NCKAP5: variants seen among roughly 807,000 people sequenced by gnomAD.
The protein encoded by NCKAP5 is NCK associated protein 5.
NCKAP5 carries 92 observed loss-of-function variants against 167.0 expected under a neutral mutation model. That is an observed-to-expected ratio of 0.55 (90% confidence interval 0.47 to 0.66). NCKAP5 has a LOEUF of 0.66. Ranked by LOEUF, NCKAP5 falls within the 30% of genes least tolerant of loss-of-function variation. The pLI is 0.00. For missense variants in NCKAP5, 2,378 were observed against 2,315.0 expected, an observed-to-expected ratio of 1.03 and a Z score of -0.56; for synonymous variants, 891 against 877.4, an observed-to-expected ratio of 1.02 and a Z score of -0.27.
At chr2:132,980,728 A>G (rs180801093) in intron 7 of NCKAP5, among the ~76,000 whole-genome samples, 1 of 152,298 alleles carries the variant, frequency 6.6e-6, no homozygotes, top group East Asian at 1.9e-4. Flanking sequence ...TTACTGTGTC[A>G]ATTTTCACTA....
intron 11 of NCKAP5, among the ~76,000 whole-genome samples, chr2:132,826,687 T>A (rs1558827271): frequency 6.6e-6 from 1 of 152,172 alleles, no homozygotes; most frequent in Non-Finnish European, 1.5e-5. Flanking sequence ...GATAGAATTA[T>A]AAGAGCAGCA....
chr2:133,325,799 G>A (rs752648371), intron 3 of NCKAP5, among the ~76,000 whole-genome samples: 1 of 152,180 alleles, frequency 6.6e-6, no homozygotes, highest in Non-Finnish European at 1.5e-5. Context: ...ACATGAGAAT[G>A]GCATCTCTGC....
intron 5 of NCKAP5, among the ~76,000 whole-genome samples, chr2:133,161,725 G>C (rs1010338386): frequency 6.6e-6 from 1 of 152,226 alleles, no homozygotes; most frequent in African/African-American, 2.4e-5. Context: ...TTAAAATTAA[G>C]CTTTAGAAAC....
chr2:133,066,338 C>T (rs1033913664), intron 6 of NCKAP5, among the ~76,000 whole-genome samples: 5 of 152,120 alleles, frequency 3.3e-5, no homozygotes, highest in African/African-American at 7.2e-5. Flanking sequence ...ATCTAAAACC[C>T]GTCTTCTTTT....
rs1286062335 is a variant in NCKAP5, at chr2:133,445,555, T to G, written c.69+71903A>C. On this transcript the variant is annotated intron_variant, in intron 3 of 19. Coordinates refer to ENST00000409261, the MANE Select transcript of NCKAP5 (RefSeq NM_207363.3). ...TTCCCTTTACAGAGCATGTAGACGT[T>G]TGGTTTGCAGGAAATAAGTATCTCT... Among the ~76,000 whole-genome samples the G allele has an allele frequency of 3.3e-5, 5 of 152,180 alleles. No homozygotes were observed. In the East Asian group the frequency reaches 9.6e-4, roughly 29 times the overall value.
intron 9 of NCKAP5, among the ~76,000 whole-genome samples, 179 bp downstream of exon 9, chr2:132,878,669 C>A (rs1691509049): frequency 6.7e-6 from 1 of 150,024 alleles, no homozygotes; most frequent in African/African-American, 2.5e-5. Context: ...CGCATACACA[C>A]ACACACACCG....
chr2:133,552,124 G>T (rs1687365359), intron 2 of NCKAP5, among the ~76,000 whole-genome samples: 1 of 90,538 alleles, frequency 1.1e-5, no homozygotes, highest in Non-Finnish European at 2.3e-5. Flanking sequence ...TGGAGAAATA[G>T]GAACACTTTT....
intron 5 of NCKAP5, among the ~76,000 whole-genome samples, chr2:133,175,642 T>A (rs774741901): frequency 7.9e-5 from 12 of 152,188 alleles, no homozygotes; most frequent in Non-Finnish European, 1.8e-4. Context: ...TAGTATATAT[T>A]TCACTTGGAG....
the NCKAP5 span, among the ~76,000 whole-genome samples, chr2:133,620,981 T>C: frequency 6.6e-6 from 1 of 152,116 alleles, no homozygotes; most frequent in African/African-American, 2.4e-5. Context: ...CTCAAAACCA[T>C]GCGAATACAT....
At chr2:132,908,531 C>A (rs984851490) in intron 8 of NCKAP5, among the ~76,000 whole-genome samples, 1 of 152,166 alleles carries the variant, frequency 6.6e-6, no homozygotes, top group Non-Finnish European at 1.5e-5. Flanking sequence ...TTGACTAATA[C>A]TAAGCTTATC....
At chr2:132,966,154 C>T (rs1022356862) in intron 7 of NCKAP5, among the ~76,000 whole-genome samples, 77 of 152,154 alleles carry the variant, frequency 5.1e-4, no homozygotes, top group Admixed American at 9.8e-4. Context: ...GGCTGGAGTG[C>T]AGTGGTGCGA....
chr2:132,745,425 A>G (rs1309551393), intron 16 of NCKAP5, among the ~76,000 whole-genome samples: 2 of 151,748 alleles, frequency 1.3e-5, no homozygotes, highest in Admixed American at 6.6e-5. Context: ...CAAACTAGGA[A>G]TAGAAGAGAA....
At chr2:133,076,976 G>A (rs2080625828) in intron 6 of NCKAP5, among the ~76,000 whole-genome samples, 1 of 152,066 alleles carries the variant, frequency 6.6e-6, no homozygotes, top group Admixed American at 6.6e-5. Context: ...TGTTAAGTGA[G>A]GAGAAAAAAG....
At chr2:133,220,409 C>T (rs2150201200) in intron 4 of NCKAP5, among the ~76,000 whole-genome samples, 1 of 152,302 alleles carries the variant, frequency 6.6e-6, no homozygotes, top group Non-Finnish European at 1.5e-5. Flanking sequence ...CAACTTTTCT[C>T]TCCAGGAAGA....
At chr2:132,989,167 G>A (rs1350869673) in intron 7 of NCKAP5, among the ~76,000 whole-genome samples, 2 of 152,200 alleles carry the variant, frequency 1.3e-5, no homozygotes, top group African/African-American at 4.8e-5. Flanking sequence ...CCCTTTGTTA[G>A]TTCTGTGATT....
At chr2:133,131,409 T>G (rs973961380) in intron 5 of NCKAP5, among the ~76,000 whole-genome samples, 1 of 152,186 alleles carries the variant, frequency 6.6e-6, no homozygotes, top group Non-Finnish European at 1.5e-5. Flanking sequence ...TTACCACCCT[T>G]TAGGTCTTTA....
intron 16 of NCKAP5, among the ~76,000 whole-genome samples, chr2:132,750,875 G>A (rs565329063): frequency 1.3e-5 from 2 of 152,346 alleles, no homozygotes; most frequent in South Asian, 2.1e-4. Flanking sequence ...ATTAAGGATA[G>A]AGCCAAATGA....
At chr2:133,388,689 C>G (rs1687175650) in intron 3 of NCKAP5, among the ~76,000 whole-genome samples, 1 of 152,196 alleles carries the variant, frequency 6.6e-6, no homozygotes, top group Non-Finnish European at 1.5e-5. Flanking sequence ...TCCACCCAGT[C>G]CAAGCTTCCC....
chr2:133,068,294 A>C (rs1015033278), intron 6 of NCKAP5, among the ~76,000 whole-genome samples: 3 of 152,230 alleles, frequency 2.0e-5, no homozygotes, highest in African/African-American at 7.2e-5. Flanking sequence ...ACAGAGCTGC[A>C]AATGTCCTCC....
Sources: allele counts gnomAD v4.1 joint callset (sites outside exome capture counted in the v4.1 genomes callset), GRCh38; gene constraint gnomAD v4.1.1; transcripts MANE v1.5; gene names NCBI Gene and HGNC (gene_info 2026-07-23, HGNC 2026-07-21).